GRIK2: variants seen among roughly 807,000 people sequenced by gnomAD.
GRIK2 encodes glutamate ionotropic receptor kainate type subunit 2, also known as glutamate receptor ionotropic, kainate 2.
A neutral mutation model predicts 100.3 loss-of-function variants in GRIK2; 32 were observed. The observed-to-expected ratio is 0.32, with a 90% CI of 0.24 to 0.43. GRIK2 has a LOEUF of 0.43. Among genes scored for constraint, GRIK2 ranks in the 20% least tolerant of loss-of-function variants. GRIK2 has a pLI of 1.00. For synonymous variants in GRIK2, 417 were observed against 389.4 expected (o/e 1.07, Z -0.83); for missense variants, 843 against 1,114.9 (o/e 0.76, Z 3.47).
intron 1 of GRIK2, among the ~76,000 whole-genome samples, chr6:101,394,100 A>G (rs568994972): frequency 6.0e-4 from 91 of 152,158 alleles, no homozygotes; most frequent in Non-Finnish European, 1.1e-3. Flanking sequence ...TGTTCTCCAC[A>G]TAAAATGATT....
At chr6:101,701,110 T>C (rs144398187) in intron 7 of GRIK2, among the ~76,000 whole-genome samples, 3 of 152,266 alleles carry the variant, frequency 2.0e-5, no homozygotes, top group Admixed American at 6.5e-5. Context: ...TGAAAAATTG[T>C]TTCTCATTTC....
chr6:101,842,997 A>C (rs1783606595), intron 10 of GRIK2, among the ~76,000 whole-genome samples: 1 of 152,210 alleles, frequency 6.6e-6, no homozygotes, highest in Non-Finnish European at 1.5e-5. Context: ...AAGAAATAGA[A>C]TTCTAGTCAT....
chr6:101,430,471 C>A (rs879232123), intron 2 of GRIK2: 4 of 216,408 alleles, frequency 1.8e-5, no homozygotes, highest in South Asian at 8.1e-5. Flanking sequence ...AGCTTCTGAT[C>A]CACACCGAGT....
At chr6:101,812,384 T>TA (rs1464662102) in intron 9 of GRIK2, among the ~76,000 whole-genome samples, 2 of 152,036 alleles carry the variant, frequency 1.3e-5, no homozygotes, top group Admixed American at 1.3e-4. Flanking sequence ...TGAAGGCACT[T>TA]AGAGTTTAAC....
chr6:101,557,842 C>T (rs1252930199), intron 2 of GRIK2, among the ~76,000 whole-genome samples: 1 of 152,200 alleles, frequency 6.6e-6, no homozygotes, highest in African/African-American at 2.4e-5. Flanking sequence ...ATTACACAAT[C>T]ATGCCTATTA....
At chr6:101,941,160 T>C (rs1381364932) in intron 14 of GRIK2, among the ~76,000 whole-genome samples, 1 of 152,128 alleles carries the variant, frequency 6.6e-6, no homozygotes, top group Non-Finnish European at 1.5e-5. Flanking sequence ...CATATGATTA[T>C]TAAATTGAAA....
intron 7 of GRIK2, among the ~76,000 whole-genome samples, chr6:101,701,898 G>T (rs968282782): frequency 7.9e-5 from 12 of 151,928 alleles, no homozygotes; most frequent in African/African-American, 2.7e-4. Flanking sequence ...AGGACCAGTA[G>T]AAGTTCTCTT....
chr6:101,953,196 CT>C (rs1403040918), intron 14 of GRIK2, among the ~76,000 whole-genome samples: 3 of 152,028 alleles, frequency 2.0e-5, no homozygotes, highest in Admixed American at 6.6e-5. Context: ...ATTGCTTCCA[CT>C]TTTTGGATAT....
chr6:101,472,788 C>A (rs993729238), intron 2 of GRIK2, among the ~76,000 whole-genome samples: 2 of 151,558 alleles, frequency 1.3e-5, no homozygotes, highest in African/African-American at 2.4e-5. Context: ...TCTTTGATTG[C>A]TAATTTTAAA....
chr6:101,621,884 C>A (rs1780181205), intron 2 of GRIK2, 65 bp from the exon 3 acceptor site: 1 of 1,125,376 alleles, frequency 8.9e-7, no homozygotes, highest in East Asian at 2.5e-5. Flanking sequence ...CTGATATTTT[C>A]TTTATCTTGT....
At chr6:101,633,732 T>G (rs1780876610) in intron 4 of GRIK2, among the ~76,000 whole-genome samples, 1 of 152,170 alleles carries the variant, frequency 6.6e-6, no homozygotes, top group Non-Finnish European at 1.5e-5. Context: ...AGTCTGTTTC[T>G]CTACAAATAC....
At chr6:101,409,551 T>A (rs867929527) in intron 2 of GRIK2, among the ~76,000 whole-genome samples, 7 of 152,126 alleles carry the variant, frequency 4.6e-5, no homozygotes, top group African/African-American at 1.7e-4. Flanking sequence ...TATTTTCTGA[T>A]TCTACACAAA....
intron 12 of GRIK2, 118 bp downstream of exon 12, chr6:101,889,981 G>A: frequency 3.0e-6 from 2 of 657,030 alleles, no homozygotes; most frequent in Non-Finnish European, 2.7e-6. Context: ...ATGGGGTGCT[G>A]AGAAATAATG....
chr6:101,402,018 C>A (rs1442593060), intron 2 of GRIK2, among the ~76,000 whole-genome samples: 2 of 152,136 alleles, frequency 1.3e-5, no homozygotes, highest in Non-Finnish European at 2.9e-5. Context: ...CCCAGCCCCC[C>A]TTCCCCGCTA....
At chr6:101,569,157 A>G (rs1777420271) in intron 2 of GRIK2, among the ~76,000 whole-genome samples, 1 of 152,070 alleles carries the variant, frequency 6.6e-6, no homozygotes, top group South Asian at 2.1e-4. Flanking sequence ...AGTCCTTTGT[A>G]ACAAATATAG....
At chr6:101,785,539 A>G (rs1039597326) in intron 7 of GRIK2, among the ~76,000 whole-genome samples, 1 of 152,088 alleles carries the variant, frequency 6.6e-6, no homozygotes, top group Non-Finnish European at 1.5e-5. Flanking sequence ...GCCTATGGGT[A>G]TCCAGTTTTT....
At chr6:101,471,214 A>T (rs1424784024) in intron 2 of GRIK2, among the ~76,000 whole-genome samples, 1 of 152,042 alleles carries the variant, frequency 6.6e-6, no homozygotes, top group East Asian at 1.9e-4. Flanking sequence ...ATTCCTTTAT[A>T]TTCTCTGAGG....
At chr6:101,777,397 T>C (rs886437746) in intron 7 of GRIK2, among the ~76,000 whole-genome samples, 2 of 152,190 alleles carry the variant, frequency 1.3e-5, no homozygotes, top group Non-Finnish European at 2.9e-5. Context: ...GTGCTGACTG[T>C]GCAAGGGAGA....
chr6:101,483,953 G>A (rs1259725746), intron 2 of GRIK2, among the ~76,000 whole-genome samples: 1 of 152,162 alleles, frequency 6.6e-6, no homozygotes, highest in East Asian at 1.9e-4. Flanking sequence ...TGAATATTTT[G>A]CCAACATAAG....
Sources: allele counts gnomAD v4.1 joint callset (sites outside exome capture counted in the v4.1 genomes callset), GRCh38; gene constraint gnomAD v4.1.1; transcripts MANE v1.5; gene names NCBI Gene and HGNC (gene_info 2026-07-23, HGNC 2026-07-21).